CHAT: variants seen among roughly 807,000 people sequenced by gnomAD.
CHAT encodes the protein choline O-acetyltransferase.
A neutral mutation model predicts 76.9 loss-of-function variants in CHAT; 61 were observed. That is an observed-to-expected ratio of 0.79 (90% confidence interval 0.65 to 0.98). The LOEUF (loss-of-function observed/expected upper bound fraction) is 0.98. Ranked by LOEUF, CHAT falls within the 50% of genes least tolerant of loss-of-function variation. The pLI is 0.00. For missense variants in CHAT, 946 were observed against 986.9 expected, an observed-to-expected ratio of 0.96 and a Z score of 0.56; for synonymous variants, 407 against 397.4, an observed-to-expected ratio of 1.02 and a Z score of -0.29.
At chr10:49,651,377 T>C (rs1271619690) in intron 10 of CHAT, among the ~76,000 whole-genome samples, 1 of 151,768 alleles carries the variant, frequency 6.6e-6, no homozygotes, top group Admixed American at 6.6e-5. Context: ...ACTCAGGCTA[T>C]GCGCTCTCCA....
At chr10:49,630,962 C>T (rs532888979) in intron 7 of CHAT, among the ~76,000 whole-genome samples, 2 of 152,252 alleles carry the variant, frequency 1.3e-5, no homozygotes, top group East Asian at 3.9e-4. Context: ...ACTTGAAAAA[C>T]TTGATAAGAT....
rs1368194696 is a variant in CHAT at position 49,614,488 on chromosome 10, G to A, written c.286+13G>A. 4 of 1,540,728 alleles carry A rather than the reference G, an allele frequency of 2.6e-6. No individual in the cohort carries two copies. The highest frequency in any genetic ancestry group is 2.4e-5 in the East Asian group (1 of 40,922). The stretch of plus-strand genomic sequence containing the variant: ...CCGAGGAGAGCAGGTGAGAAGAAGG[G>A]CTGGGCTGGGCTGGCGGAGCGCGGT... On this transcript the variant is annotated intron_variant, in intron 1 of 14. Coordinates refer to ENST00000337653, the MANE Select transcript of CHAT (RefSeq NM_020549.5).
chr10:49,624,675 G>A (rs928708248), intron 5 of CHAT, among the ~76,000 whole-genome samples: 8 of 152,222 alleles, frequency 5.3e-5, no homozygotes, highest in East Asian at 1.9e-4. Context: ...TACGGAGGAC[G>A]TGCTTCACAA....
At chr10:49,611,894 T>G (rs1421602265), upstream of CHAT, 1 of 1,611,110 alleles carries the variant, frequency 6.2e-7, no homozygotes. Flanking sequence ...CCGCTAGTGG[T>G]CTCACTATGC....
chr10:49,618,524 A>G (rs1287268842), intron 2 of CHAT, among the ~76,000 whole-genome samples: 1 of 152,196 alleles, frequency 6.6e-6, no homozygotes, highest in Non-Finnish European at 1.5e-5. Context: ...GAAGGGAGAG[A>G]ACGACCCAGG....
intron 13 of CHAT, among the ~76,000 whole-genome samples, chr10:49,660,841 G>A (rs939750741): frequency 6.6e-6 from 1 of 152,130 alleles, no homozygotes; most frequent in Non-Finnish European, 1.5e-5. Flanking sequence ...GTGTGTGGTT[G>A]GACATGGAGG....
upstream of CHAT, chr10:49,611,409 C>T (rs763788617): frequency 7.5e-6 from 12 of 1,597,896 alleles, no homozygotes; most frequent in East Asian, 1.1e-4. Context: ...TCATTAGCTT[C>T]GGAAGCCTAG....
At chr10:49,620,346 G>T in intron 3 of CHAT, 149 bp from the exon 4 acceptor site, 1 of 730,184 alleles carries the variant, frequency 1.4e-6, no homozygotes, top group Admixed American at 1.7e-5. Flanking sequence ...CTGGTGGACT[G>T]GGAAGCTCCT....
intron 7 of CHAT, among the ~76,000 whole-genome samples, chr10:49,639,094 G>T (rs1255156065): frequency 6.6e-6 from 1 of 152,000 alleles, no homozygotes; most frequent in Non-Finnish European, 1.5e-5. Context: ...AATTAGCCTG[G>T]CGTGGTGGCA....
rs1451220876 is a variant in CHAT at position 49,638,926 on chromosome 10, CT to C, written c.1112-7575del. On this transcript the variant is annotated intron_variant, in intron 7 of 14. Coordinates refer to ENST00000337653, the MANE Select transcript of CHAT (RefSeq NM_020549.5). Reference sequence around the variant, plus strand: ...TCCAATGTTTCTCTTTTTACCATTTCTTTTCTTTTAAAAAAAACTTTCTTAG... The same window carrying C: ...TCCAATGTTTCTCTTTTTACCATTTCTTTCTTTTAAAAAAAACTTTCTTAG... Among the ~76,000 whole-genome samples, 9 of 151,774 alleles carry C rather than the reference CT, an allele frequency of 5.9e-5. No individual in the cohort carries two copies. In the East Asian group the frequency reaches 1.7e-3, roughly 29 times the overall value.
chr10:49,626,538 C>G (rs1266624026), intron 6 of CHAT, among the ~76,000 whole-genome samples: 1 of 152,146 alleles, frequency 6.6e-6, no homozygotes, highest in Non-Finnish European at 1.5e-5. Flanking sequence ...GACCTCTGTT[C>G]CTAGATTTGA....
intron 3 of CHAT, 77 bp downstream of exon 3, chr10:49,619,993 C>G (rs968104321): frequency 1.4e-6 from 2 of 1,438,766 alleles, no homozygotes; most frequent in African/African-American, 2.8e-5. Context: ...CGGTGAGAGG[C>G]AGGTAGGGGA....
chr10:49,611,454 C>A (rs781475251), upstream of CHAT: 9 of 1,598,226 alleles, frequency 5.6e-6, no homozygotes, highest in Non-Finnish European at 7.6e-6. Flanking sequence ...TCTATGAGTT[C>A]GCCGGCAAGC....
rs568608509 is a variant in CHAT, at chr10:49,658,577, C to T, written c.1839+3129C>T. On this transcript the variant is annotated intron_variant, in intron 13 of 14. Coordinates refer to ENST00000337653, the MANE Select transcript of CHAT (RefSeq NM_020549.5). ...CAACAAAATTATCCAAGTGTGGTGG[C>T]ACATGCCTGTAATCCCAGCTACTAG... Among the ~76,000 whole-genome samples the T allele has an allele frequency of 7.9e-5, 12 of 152,136 alleles. No homozygotes were observed. The South Asian group carries it at 2.5e-3, about 32-fold the overall frequency.
chr10:49,665,042 C>A lies in CHAT; in HGVS notation c.2243C>A (p.Pro748His), dbSNP rs746327923. 1.9e-6 allele frequency: 3 copies of A among 1,613,716 alleles called. No homozygotes were observed. In the African/African-American group the frequency reaches 4.0e-5, roughly 22 times the overall value. Reference protein sequence around the residue: ...KATRPSQGHQP With the variant: ...KATRPSQGHQH Reference sequence around the variant, plus strand: ...ACGAGGCCCAGCCAGGGACACCAACCTTGACTCCTGCCACTAGGTTTCACC... The same window carrying A: ...ACGAGGCCCAGCCAGGGACACCAACATTGACTCCTGCCACTAGGTTTCACC... Residue 748 changes from proline (P) to histidine (H), a missense_variant, in exon 15 of 15, where the codon CCT becomes CAT. Pro to His is a moderately conservative substitution (Grantham distance 77). Around this residue, in one of 3 missense-constraint regions of CHAT, gnomAD observed 349 missense variants for 393.9 expected, o/e 0.89. Transcript: ENST00000337653.
chr10:49,651,199 A>G (rs6537544), intron 10 of CHAT, among the ~76,000 whole-genome samples: 60,315 of 151,158 alleles, frequency 0.4, 12,492 homozygotes, highest in South Asian at 0.48. Context: ...AGGTAGGTCT[A>G]AGGAGCGAGT....
At chr10:49,649,385 G>T in intron 9 of CHAT, 123 bp from the exon 10 acceptor site, 1 of 1,413,974 alleles carries the variant, frequency 7.1e-7, no homozygotes, top group South Asian at 1.2e-5. Flanking sequence ...GGGGCAGCTC[G>T]TACCCCCTGA....
chr10:49,630,066 C>A (rs910350637), intron 7 of CHAT, among the ~76,000 whole-genome samples: 1 of 151,976 alleles, frequency 6.6e-6, no homozygotes, highest in Non-Finnish European at 1.5e-5. Flanking sequence ...ATGGAGAAAT[C>A]ATTGCCACAC....
At chr10:49,620,470 C>T (rs780372098) in intron 3 of CHAT, 25 bp from the exon 4 acceptor site, 17 of 1,519,018 alleles carry the variant, frequency 1.1e-5, no homozygotes, top group African/African-American at 6.9e-5. Flanking sequence ...GGGGATGTGA[C>T]GGCCTTCCCT....
Sources: gnomAD v4.1 joint callset for allele counts (sites outside exome capture counted in the v4.1 genomes callset) on GRCh38, gnomAD v4.1.1 for gene constraint, gnomAD v4.1.1 regional missense constraint, MANE v1.5 for transcripts, NCBI Gene and HGNC (gene_info 2026-07-23, HGNC 2026-07-21) for gene names.